Variants in SHROOM4 observed in about 807,000 individuals in gnomAD.
SHROOM4 encodes shroom family member 4.
A neutral mutation model predicts 80.3 loss-of-function variants in SHROOM4; 17 were observed. The ratio of observed to expected loss-of-function variants is 0.21; its 90% CI spans 0.14 to 0.32. The LOEUF is 0.32. Among genes scored for constraint, SHROOM4 ranks in the 10% least tolerant of loss-of-function variants. SHROOM4 has a pLI of 1.00. For synonymous variants in SHROOM4, 400 were observed against 437.5 expected, an observed-to-expected ratio of 0.91 and a Z score of 1.07; for missense variants, 993 against 1,140.3, an observed-to-expected ratio of 0.87 and a Z score of 1.86.
intron 2 of SHROOM4, among the ~76,000 whole-genome samples, chrX:50,646,069 A>G (rs1557257868): frequency 1.8e-5 from 2 of 112,238 alleles, no homozygotes; most frequent in African/African-American, 6.5e-5. Context: ...GAGCAGAAAG[A>G]GAACCATGAC....
chrX:50,807,167 T>C (rs1936241695), intron 1 of SHROOM4, among the ~76,000 whole-genome samples: 1 of 112,210 alleles, frequency 8.9e-6, no homozygotes, highest in South Asian at 3.8e-4. Context: ...ATCCACTCCC[T>C]GATCGAGGCT....
rs900266460 is a variant in SHROOM4 at position 50,592,450 on chromosome X, G to C, written c.*4245C>G. The C allele has an allele frequency of 2.2e-5, 5 of 229,566 alleles. No homozygotes were observed. The highest frequency in any genetic ancestry group is 6.2e-5 in the Admixed American group (1 of 16,167). The allele number at this position is 229,566 out of a possible 1,213,427, so 18.9% of individuals were successfully genotyped here. ...CTCAGAAGTTGAGCTAGTAGCCCAG[G>C]TTCATTGAATAAGTGGCAGAACCAG... is the stretch of plus-strand genomic sequence containing the variant. On this transcript the variant is annotated 3_prime_UTR_variant, in exon 9 of 9. Coordinates refer to ENST00000376020, the MANE Select transcript of SHROOM4 (RefSeq NM_020717.5).
At chrX:50,597,116 C>T in intron 8 of SHROOM4, 152 bp from the exon 9 acceptor site, 1 of 661,151 alleles carries the variant, frequency 1.5e-6, no homozygotes, top group East Asian at 3.5e-5. Flanking sequence ...CTGAAGTCTA[C>T]CTCCATGCAA....
At chrX:50,689,531 CACA>C (rs1933168710) in intron 2 of SHROOM4, among the ~76,000 whole-genome samples, 1 of 112,061 alleles carries the variant, frequency 8.9e-6, no homozygotes, top group Admixed American at 9.5e-5. Context: ...TTCCTCCATA[CACA>C]ACCTCTTTCT....
intron 1 of SHROOM4, among the ~76,000 whole-genome samples, chrX:50,703,453 C>A (rs782373175): frequency 1.2e-4 from 13 of 111,907 alleles, no homozygotes; most frequent in Admixed American, 3.8e-4. Flanking sequence ...GTCACACAGG[C>A]AACTAGCCTT....
At position 50,608,038 on chromosome X, in the gene SHROOM4, T is replaced by G. The variant is rs201467037; in HGVS notation, c.3104A>C (p.Glu1035Ala). 8.3e-5 allele frequency: 101 copies of G among 1,209,874 alleles called. No individual in the cohort carries two copies. The highest frequency in any genetic ancestry group is 7.4e-5 in the Non-Finnish European group (66 of 895,215). The change falls in exon 6 of 9, where the codon GAG (glutamate) becomes GCG (alanine). Residue 1035 changes from glutamate (E) to alanine (A), a missense_variant. Transcript: ENST00000376020. ...CCCCTCCTCATAAACTGAAGTTTCCTCTGATTTTTTCAAAGCATGTTTGAA... is the reference window on the plus strand; with the variant it reads ...CCCCTCCTCATAAACTGAAGTTTCCGCTGATTTTTTCAAAGCATGTTTGAA... ...GDFKHALKKS[E>A]ETSVYEEGSS...
At chrX:50,719,238 C>A (rs1219079079) in intron 1 of SHROOM4, among the ~76,000 whole-genome samples, 1 of 111,799 alleles carries the variant, frequency 8.9e-6, no homozygotes, top group Non-Finnish European at 1.9e-5. Context: ...AGGTCATTCA[C>A]AATGAGTCAG....
rs1602347100 is a variant in SHROOM4 at position 50,593,497 on chromosome X, G to A, written c.*3198C>T. The A allele has an allele frequency of 9.4e-6, 1 of 106,461 alleles. No homozygotes were observed. The highest frequency in any genetic ancestry group is 4.4e-4 in the South Asian group (1 of 2,254). The allele number at this position is 106,461 out of a possible 1,213,427, so 8.8% of individuals were successfully genotyped here. A position where few individuals can be genotyped will look rare whatever the true frequency, so the allele number is the denominator to read the frequency against. On this transcript the variant is annotated 3_prime_UTR_variant, in exon 9 of 9. Transcript: ENST00000376020. ...CCCAACAGCTGTACAACCAACACTGGTTCTTCATCTATAGAAACTGTCCCC... is the reference window on the plus strand; with the variant it reads ...CCCAACAGCTGTACAACCAACACTGATTCTTCATCTATAGAAACTGTCCCC...
intron 8 of SHROOM4, among the ~76,000 whole-genome samples, chrX:50,597,368 G>C (rs1212467126): frequency 8.9e-6 from 1 of 111,794 alleles, no homozygotes; most frequent in Non-Finnish European, 1.9e-5. Context: ...GTGAGTGTAT[G>C]TGTCTGTGTA....
intron 3 of SHROOM4, 131 bp from the exon 4 acceptor site, chrX:50,635,799 G>A: frequency 1.8e-6 from 1 of 565,063 alleles, no homozygotes; most frequent in Non-Finnish European, 3.0e-6. Flanking sequence ...AAAGGGGGAA[G>A]AAAGGGAAAC....
intron 1 of SHROOM4, among the ~76,000 whole-genome samples, chrX:50,715,087 G>A (rs1418772590): frequency 1.8e-5 from 2 of 111,566 alleles, no homozygotes; most frequent in Non-Finnish European, 3.8e-5. Flanking sequence ...TAAGAAGGCT[G>A]TTTGAGGGCT....
intron 5 of SHROOM4, 151 bp downstream of exon 5, chrX:50,627,463 G>A (rs1569546715): frequency 3.7e-6 from 2 of 536,186 alleles, no homozygotes; most frequent in Non-Finnish European, 6.5e-6. Context: ...GGGGCAGGGG[G>A]ACAGGCTGAA....
intron 1 of SHROOM4, among the ~76,000 whole-genome samples, chrX:50,716,263 G>C (rs1313438898): frequency 2.7e-5 from 3 of 110,786 alleles, no homozygotes; most frequent in African/African-American, 9.9e-5. Flanking sequence ...CAGTTAGACA[G>C]GAGGAATAAG....
chrX:50,747,060 G>A (rs1477947046), intron 1 of SHROOM4, among the ~76,000 whole-genome samples: 3 of 111,655 alleles, frequency 2.7e-5, no homozygotes, highest in African/African-American at 9.8e-5. Context: ...GGAAAGCTGA[G>A]GTAAAAGGAG....
intron 1 of SHROOM4, among the ~76,000 whole-genome samples, chrX:50,755,103 G>A (rs1291805212): frequency 1.8e-5 from 2 of 112,166 alleles, no homozygotes; most frequent in Admixed American, 1.9e-4. Context: ...TCCAAGTTGG[G>A]TGGTATTTTA....
chrX:50,645,159 G>A (rs938948236), intron 2 of SHROOM4, among the ~76,000 whole-genome samples: 1 of 111,715 alleles, frequency 9.0e-6, no homozygotes. Flanking sequence ...TTGATTCAGC[G>A]AGGCCCAGGT....
In SHROOM4 at chrX:50,645,843, G is replaced by A. The variant is rs782774618; in HGVS notation, c.270-7535C>T. ...ACGTGAACTTGGCATGGGGGCACAG[G>A]AGGGTGGGCACATGCAGCAGAAAAG... is the stretch of plus-strand genomic sequence containing the variant. On this transcript the variant is annotated intron_variant, in intron 2 of 8. Coordinates refer to ENST00000376020, the MANE Select transcript of SHROOM4 (RefSeq NM_020717.5). Among the ~76,000 whole-genome samples the A allele has an allele frequency of 8.2e-4, 92 of 111,798 alleles. 1 individual carries two copies. The highest frequency in any genetic ancestry group is 4.6e-3 in the Middle Eastern group (1 of 218).
chrX:50,690,980 G>T (rs1343162830), intron 2 of SHROOM4, among the ~76,000 whole-genome samples: 2 of 112,439 alleles, frequency 1.8e-5, no homozygotes, highest in Non-Finnish European at 3.8e-5. Context: ...AAAAGAGTTT[G>T]CAAAGCTTTT....
At position 50,813,160 on chromosome X, in the gene SHROOM4, T is replaced by TGGCGGCGGCGGCGGCGGCGGC. The variant is rs781798597; in HGVS notation, c.117+721_117+741dup. Among the ~76,000 whole-genome samples, 181 of 102,018 alleles carry TGGCGGCGGCGGCGGCGGCGGC rather than the reference T, an allele frequency of 1.8e-3. 2 individuals carry two copies. The highest frequency in any genetic ancestry group is 1.1e-3 in the Non-Finnish European group (57 of 49,919). The allele number at this position is 102,018 out of a possible 115,157, so 88.6% of individuals were successfully genotyped here. The stretch of plus-strand genomic sequence containing the variant: ...CTGGCGGCGGCGGCGGCGGCGGCAG[T>TGGCGGCGGCGGCGGCGGCGGC]GGCGGCGGCGGCGGCGGCGGCGGCG... On this transcript the variant is annotated intron_variant, in intron 1 of 8. Transcript: ENST00000376020.
Sources: allele counts gnomAD v4.1 joint callset (sites outside exome capture counted in the v4.1 genomes callset), GRCh38; gene constraint gnomAD v4.1.1; transcripts MANE v1.5; gene names NCBI Gene and HGNC (gene_info 2026-07-23, HGNC 2026-07-21).